Variants in DCLK1 observed in about 807,000 individuals in gnomAD.
DCLK1 encodes the protein doublecortin like kinase 1.
A neutral mutation model predicts 86.2 loss-of-function variants in DCLK1; 16 were observed. The ratio of observed to expected loss-of-function variants is 0.19; its 90% CI spans 0.13 to 0.28. DCLK1 has a LOEUF of 0.28. DCLK1 is among the 10% of genes least tolerant of loss of function. The probability of loss-of-function intolerance (pLI) is 1.00; values close to 1 mark genes in which losing one functional copy is unlikely to be tolerated. For synonymous variants in DCLK1, 369 were observed against 370.5 expected, an observed-to-expected ratio of 1.00 and a Z score of 0.05; for missense variants, 590 against 940.2, an observed-to-expected ratio of 0.63 and a Z score of 4.87.
At chr13:35,788,182 CACTG>C (rs1324406038) in intron 16 of DCLK1, 3 of 1,609,854 alleles carry the variant, frequency 1.9e-6, no homozygotes, top group South Asian at 1.1e-5. Context: ...GCCATGGAAA[CACTG>C]ACTGTTGAGC....
At chr13:35,800,969 C>T (rs1462321804) in intron 15 of DCLK1, among the ~76,000 whole-genome samples, 1 of 151,612 alleles carries the variant, frequency 6.6e-6, no homozygotes, top group Non-Finnish European at 1.5e-5. Flanking sequence ...AATGATCCAC[C>T]TGCCACGGCC....
intron 3 of DCLK1, among the ~76,000 whole-genome samples, chr13:35,977,167 T>C (rs529527833): frequency 8.2e-4 from 125 of 152,320 alleles, no homozygotes; most frequent in Middle Eastern, 6.8e-3. Flanking sequence ...TCAAATTTTA[T>C]CAACTGTTCC....
chr13:35,794,905 G>A (rs780734371), intron 15 of DCLK1, among the ~76,000 whole-genome samples: 4 of 152,168 alleles, frequency 2.6e-5, no homozygotes, highest in Non-Finnish European at 5.9e-5. Flanking sequence ...ATGAAGTGCC[G>A]ACCTTGTCAA....
At chr13:35,853,652 G>C (rs992057611) in intron 6 of DCLK1, among the ~76,000 whole-genome samples, 4 of 152,190 alleles carry the variant, frequency 2.6e-5, no homozygotes, top group Admixed American at 6.5e-5. Context: ...GTGTTTGAGT[G>C]CAGTAGACTG....
intron 4 of DCLK1, among the ~76,000 whole-genome samples, chr13:35,897,520 G>A (rs1874076404): frequency 1.3e-5 from 2 of 152,146 alleles, no homozygotes; most frequent in African/African-American, 4.8e-5. Flanking sequence ...ACGTTGCTTG[G>A]GCTATGGCAA....
chr13:35,826,563 C>G (rs115628676), intron 10 of DCLK1, among the ~76,000 whole-genome samples: 5,080 of 26,388 alleles, frequency 0.19, 1,509 homozygotes, highest in Non-Finnish European at 0.27. Context: ...AAGAAAGAAA[C>G]AAGTCCTAAT....
chr13:35,806,358 C>A (rs2087027974), intron 14 of DCLK1, among the ~76,000 whole-genome samples: 1 of 152,026 alleles, frequency 6.6e-6, no homozygotes, highest in African/African-American at 2.4e-5. Flanking sequence ...TGAAAAATTT[C>A]CAGACAAATC....
At chr13:35,960,872 T>G (rs551188411) in intron 3 of DCLK1, among the ~76,000 whole-genome samples, 1 of 152,344 alleles carries the variant, frequency 6.6e-6, no homozygotes, top group African/African-American at 2.4e-5. Flanking sequence ...CAAACTTGTC[T>G]CATATTACTG....
At chr13:35,966,735 A>G (rs1466206956) in intron 3 of DCLK1, among the ~76,000 whole-genome samples, 1 of 152,030 alleles carries the variant, frequency 6.6e-6, no homozygotes, top group Non-Finnish European at 1.5e-5. Context: ...CCAGCTCCTG[A>G]CCGCGAGTGA....
intron 2 of DCLK1, among the ~76,000 whole-genome samples, chr13:36,124,580 G>C (rs1177654703): frequency 6.6e-6 from 1 of 152,230 alleles, no homozygotes; most frequent in Non-Finnish European, 1.5e-5. Flanking sequence ...GGCTCTGTCA[G>C]TGTGCGGTCA....
chr13:35,866,762 C>T (rs994897727), intron 5 of DCLK1, among the ~76,000 whole-genome samples: 33 of 151,972 alleles, frequency 2.2e-4, no homozygotes, highest in African/African-American at 7.5e-4. Flanking sequence ...GGGGCAATAC[C>T]AATGTTTATG....
Position 35,805,728 on chromosome 13 carries a change from C to T in DCLK1, c.1915G>A (p.Val639Ile). The change falls in exon 15 of 17, where the codon GTT (valine) becomes ATT (isoleucine). Residue 639 changes from valine (V) to isoleucine (I), a missense_variant. By Grantham distance (29) the Val-to-Ile change is conservative (BLOSUM62 3). Transcript: ENST00000360631. ...LVDVDQRFSA[V>I]QVLEHPWVND... ...ACCCAGGGATGCTCAAGTACTTGAA[C>T]AGCAGAAAATCGCTGATCTACATCG... is the stretch of plus-strand genomic sequence containing the variant. 1 of 1,613,894 alleles carries T rather than the reference C, an allele frequency of 6.2e-7. No homozygotes were observed. Among genetic ancestry groups the T allele is most frequent in the South Asian group, 1.1e-5 (1 of 91,056 alleles).
chr13:35,805,901 C>A, intron 14 of DCLK1, 122 bp from the exon 15 acceptor site: 1 of 746,374 alleles, frequency 1.3e-6, no homozygotes, highest in Middle Eastern at 3.4e-4. Flanking sequence ...ATCTTAAATA[C>A]ATCAACTCCA....
intron 3 of DCLK1, among the ~76,000 whole-genome samples, chr13:35,959,869 GT>G (rs1878360188): frequency 6.6e-6 from 1 of 151,394 alleles, no homozygotes; most frequent in Non-Finnish European, 1.5e-5. Flanking sequence ...GTGTGTGTGT[GT>G]GTGTGTGTGT....
rs2086317580 is a variant in DCLK1 at position 35,770,792 on chromosome 13, C to G, written c.*3743G>C. ...TTGGTGCTTTCCAAAATTCTGAAAT[C>G]ACTATTAAGGAGGGACCATACCAGA... On this transcript the variant is annotated 3_prime_UTR_variant, in exon 17 of 17. Transcript: ENST00000360631. 1.3e-5 allele frequency: 2 copies of G among 152,080 alleles called. No individual in the cohort carries two copies. The highest frequency in any genetic ancestry group is 4.8e-5 in the African/African-American group (2 of 41,422). The allele number at this position is 152,080 out of a possible 1,614,324, so 9.4% of individuals were successfully genotyped here. A position where few individuals can be genotyped will look rare whatever the true frequency, so the allele number is the denominator to read the frequency against.
intron 3 of DCLK1, among the ~76,000 whole-genome samples, chr13:35,970,983 C>T (rs1022945): frequency 0.3 from 45,723 of 151,798 alleles, 7,672 homozygotes; most frequent in East Asian, 0.57. Flanking sequence ...AGCAAAGGGC[C>T]CATGGAGTAA....
At chr13:35,992,373 T>G (rs960612525) in intron 3 of DCLK1, among the ~76,000 whole-genome samples, 5 of 151,894 alleles carry the variant, frequency 3.3e-5, no homozygotes, top group East Asian at 3.9e-4. Flanking sequence ...AGAATTACAA[T>G]GCAACATGTT....
chr13:35,828,374 G>T, intron 8 of DCLK1, 67 bp from the exon 9 acceptor site: 2 of 1,336,668 alleles, frequency 1.5e-6, no homozygotes, highest in Non-Finnish European at 2.1e-6. Context: ...TATTTTGTCA[G>T]GGATCAATTT....
At chr13:35,802,322 AC>A (rs1338058170) in intron 15 of DCLK1, among the ~76,000 whole-genome samples, 1 of 143,942 alleles carries the variant, frequency 6.9e-6, no homozygotes, top group Non-Finnish European at 1.5e-5. Context: ...ACAGAGTGAG[AC>A]CCTGTCTCAA....
Sources: gnomAD v4.1 joint callset for allele counts (sites outside exome capture counted in the v4.1 genomes callset) on GRCh38, gnomAD v4.1.1 for gene constraint, MANE v1.5 for transcripts, NCBI Gene and HGNC (gene_info 2026-07-23, HGNC 2026-07-21) for gene names.